Variants in GPT2 observed in about 807,000 individuals in gnomAD.
GPT2 encodes the protein alanine aminotransferase 2.
GPT2 carries 30 observed loss-of-function variants against 56.9 expected under a neutral mutation model. That is an observed-to-expected ratio of 0.53 (90% CI 0.39 to 0.72). The LOEUF (loss-of-function observed/expected upper bound fraction) is 0.72. Ranked by LOEUF, GPT2 falls within the 30% of genes least tolerant of loss-of-function variation. The pLI, the probability that GPT2 is intolerant of heterozygous loss-of-function variation, is 0.00. For missense variants in GPT2, 542 were observed against 703.4 expected, an observed-to-expected ratio of 0.77 and a Z score of 2.60; for synonymous variants, 271 against 283.1, an observed-to-expected ratio of 0.96 and a Z score of 0.43.
At chr16:46,918,809 G>A (rs775957512) in intron 8 of GPT2, 52 bp downstream of exon 8, 14 of 1,601,730 alleles carry the variant, frequency 8.7e-6, no homozygotes, top group East Asian at 4.5e-5. Flanking sequence ...AGATCCTCAC[G>A]CTGCCGGCTC....
chr16:46,894,037 C>T (rs1960637701), intron 2 of GPT2, among the ~76,000 whole-genome samples: 1 of 152,182 alleles, frequency 6.6e-6, no homozygotes, highest in Non-Finnish European at 1.5e-5. Context: ...TGCATGGTGG[C>T]CCTTGGCTGG....
chr16:46,889,011 C>T (rs906558932), intron 2 of GPT2, among the ~76,000 whole-genome samples: 2 of 151,886 alleles, frequency 1.3e-5, no homozygotes, highest in Non-Finnish European at 2.9e-5. Context: ...GCTGTTCAGC[C>T]AAACAGCCCA....
intron 2 of GPT2, among the ~76,000 whole-genome samples, chr16:46,891,740 C>G (rs1960588242): frequency 6.6e-6 from 1 of 151,810 alleles, no homozygotes; most frequent in Non-Finnish European, 1.5e-5. Flanking sequence ...GTATCCATCC[C>G]CTCCAGCATT....
chr16:46,913,840 A>T (rs2143497728), intron 6 of GPT2, among the ~76,000 whole-genome samples: 1 of 152,222 alleles, frequency 6.6e-6, no homozygotes, highest in Middle Eastern at 3.4e-3. Flanking sequence ...TGGGAAGCTG[A>T]GGTTGGTGGA....
intron 2 of GPT2, among the ~76,000 whole-genome samples, chr16:46,894,022 T>A (rs565498149): frequency 6.6e-6 from 1 of 152,290 alleles, no homozygotes; most frequent in African/African-American, 2.4e-5. Context: ...CAGAACAGTT[T>A]CTTCTGCATG....
At chr16:46,928,782 C>T (rs1961469600) in intron 11 of GPT2, 125 bp from the exon 12 acceptor site, 1 of 710,000 alleles carries the variant, frequency 1.4e-6, no homozygotes, top group East Asian at 2.7e-5. Flanking sequence ...GCTGTCCGGG[C>T]TGGAGCTGTC....
chr16:46,916,568 C>A, intron 6 of GPT2, 60 bp from the exon 7 acceptor site: 1 of 1,300,968 alleles, frequency 7.7e-7, no homozygotes, highest in Non-Finnish European at 1.1e-6. Context: ...GGGCTTCTGA[C>A]CTGGGGACAA....
At chr16:46,919,491 G>A (rs746085127) in intron 8 of GPT2, among the ~76,000 whole-genome samples, 35 of 152,230 alleles carry the variant, frequency 2.3e-4, no homozygotes, top group Non-Finnish European at 4.3e-4. Context: ...TGCAGGCAGC[G>A]GGAGCAGCCT....
At chr16:46,886,145 G>A (rs1046878874) in intron 2 of GPT2, among the ~76,000 whole-genome samples, 3 of 152,196 alleles carry the variant, frequency 2.0e-5, no homozygotes, top group South Asian at 4.1e-4. Flanking sequence ...TCCTTGCAGG[G>A]CTAAGTTTAA....
Position 46,909,947 on chromosome 16 carries a change from A to C in GPT2, c.820+20A>C, listed in dbSNP as rs1415232860. 6.4e-7 allele frequency: 1 copy of C among 1,573,612 alleles called. No individual in the cohort carries two copies. The highest frequency in any genetic ancestry group is 8.7e-7 in the Non-Finnish European group (1 of 1,154,680). ...CCACAGGTCTGCACTTTACTTCCTC[A>C]CCAGTTTCGTAGAGGGTGGGGGTGG... On this transcript the variant is annotated intron_variant, in intron 6 of 11. Coordinates refer to ENST00000340124, the MANE Select transcript of GPT2 (RefSeq NM_133443.4).
At chr16:46,918,905 A>G in intron 8 of GPT2, 148 bp downstream of exon 8, 3 of 994,420 alleles carry the variant, frequency 3.0e-6, no homozygotes, top group South Asian at 1.6e-5. Flanking sequence ...CCAGTGGGAG[A>G]GCCGTGGTGT....
chr16:46,889,927 T>A (rs1270816369), intron 2 of GPT2, among the ~76,000 whole-genome samples: 1 of 152,204 alleles, frequency 6.6e-6, no homozygotes, highest in Admixed American at 6.5e-5. Context: ...CTCCTGGGCC[T>A]CTGCCTTGCT....
intron 11 of GPT2, among the ~76,000 whole-genome samples, chr16:46,927,401 C>T (rs934606165): frequency 5.3e-5 from 8 of 152,246 alleles, no homozygotes; most frequent in African/African-American, 1.7e-4. Context: ...TGGAGTGGTG[C>T]TGGCATGTGC....
intron 6 of GPT2, among the ~76,000 whole-genome samples, 189 bp downstream of exon 6, chr16:46,910,116 C>G (rs1269440438): frequency 6.6e-6 from 1 of 152,132 alleles, no homozygotes; most frequent in Non-Finnish European, 1.5e-5. Flanking sequence ...TGCGGTGGCC[C>G]ATGCCTGTAA....
intron 10 of GPT2, 36 bp downstream of exon 10, chr16:46,924,580 AG>A: frequency 1.2e-6 from 2 of 1,608,180 alleles, no homozygotes; most frequent in South Asian, 2.2e-5. Flanking sequence ...CTCTCTTACC[AG>A]GTTCACCTGA....
At chr16:46,900,837 T>G in intron 4 of GPT2, 47 bp downstream of exon 4, 1 of 1,516,378 alleles carries the variant, frequency 6.6e-7, no homozygotes, top group Non-Finnish European at 9.1e-7. Context: ...TGAATGAGTG[T>G]TCCCAGGCGG....
At chr16:46,927,646 C>T (rs373511289) in intron 11 of GPT2, among the ~76,000 whole-genome samples, 15 of 152,146 alleles carry the variant, frequency 9.9e-5, no homozygotes, top group Admixed American at 8.5e-4. Flanking sequence ...AGGTCTCCTG[C>T]GGCAGATGCT....
chr16:46,908,242 G>T (rs1346784469), intron 5 of GPT2, among the ~76,000 whole-genome samples: 6 of 150,654 alleles, frequency 4.0e-5, no homozygotes, highest in African/African-American at 1.5e-4. Flanking sequence ...CGGGGGACTG[G>T]TGGAGCCTGC....
At chr16:46,885,647 G>T in intron 2 of GPT2, 1 of 572,828 alleles carries the variant, frequency 1.7e-6, no homozygotes, top group African/African-American at 2.0e-5. Context: ...CATCTTGGTG[G>T]TCGGCCGGCT....
Sources: allele counts gnomAD v4.1 joint callset (sites outside exome capture counted in the v4.1 genomes callset), GRCh38; gene constraint gnomAD v4.1.1; transcripts MANE v1.5; gene names NCBI Gene and HGNC (gene_info 2026-07-23, HGNC 2026-07-21).